The following PEX7 variants were observed in gnomAD, a reference collection of about 807,000 sequenced individuals.
PEX7 encodes the protein peroxisomal biogenesis factor 7, also known as PTS2 receptor.
PEX7 carries 34 observed loss-of-function variants against 47.5 expected under a neutral mutation model. The observed-to-expected ratio is 0.72, with a 90% confidence interval of 0.54 to 0.95. The LOEUF is 0.95. Ranked by LOEUF, PEX7 falls within the 40% of genes least tolerant of loss-of-function variation. The probability of loss-of-function intolerance (pLI) is 0.00; values close to 1 mark genes in which losing one functional copy is unlikely to be tolerated. For synonymous variants in PEX7, 141 were observed against 148.8 expected, an observed-to-expected ratio of 0.95 and a Z score of 0.38; for missense variants, 394 against 400.3, an observed-to-expected ratio of 0.98 and a Z score of 0.13.
intron 3 of PEX7, among the ~76,000 whole-genome samples, chr6:136,835,308 A>C (rs1774366295): frequency 7.2e-6 from 1 of 139,826 alleles, no homozygotes; most frequent in South Asian, 2.3e-4. Flanking sequence ...TTTTTTTTTG[A>C]GACAAAGTCT....
intron 8 of PEX7, among the ~76,000 whole-genome samples, chr6:136,894,538 C>T (rs1027615834): frequency 8.0e-4 from 121 of 152,116 alleles, no homozygotes; most frequent in African/African-American, 2.8e-3. Flanking sequence ...TGCAGTGAGC[C>T]GAGATCGCGC....
At chr6:136,866,840 T>C in intron 6 of PEX7, 107 bp downstream of exon 6, 1 of 916,534 alleles carries the variant, frequency 1.1e-6, no homozygotes, top group Non-Finnish European at 1.7e-6. Flanking sequence ...CCTGGACCAT[T>C]AAGTTAAATT....
At position 136,900,671 on chromosome 6, in the gene PEX7, C is replaced by A; in HGVS notation, c.903+2430C>A. The A allele has an allele frequency of 3.0e-6, 1 of 335,992 alleles. No individual in the cohort carries two copies. The highest frequency in any genetic ancestry group is 5.7e-6 in the Non-Finnish European group (1 of 174,202). 20.8% of individuals were successfully genotyped at this position (335,992 alleles called of 1,614,324 possible). On this transcript the variant is annotated intron_variant, in intron 9 of 9. Transcript: ENST00000318471. The surrounding 1 kb of genome is among the most constrained non-coding windows in gnomAD (Gnocchi z 4.2). ...TGAGACAGGGCAGGCAGGAAGACAA[C>A]CAGCTTGATGGGATCCACGTCATGT...
At chr6:136,863,634 G>A (rs1775005506) in intron 5 of PEX7, among the ~76,000 whole-genome samples, 1 of 152,144 alleles carries the variant, frequency 6.6e-6, no homozygotes, top group Non-Finnish European at 1.5e-5. Flanking sequence ...AGGGCTGGAT[G>A]CAGTGGCTCA....
At position 136,898,173 on chromosome 6, in the gene PEX7, C is replaced by G; in HGVS notation, c.835C>G (p.Leu279Val). ...FWNFSKPDSLLETVEHHTEFT... is the reference protein window; with the variant it reads ...FWNFSKPDSLVETVEHHTEFT... ...GAACTTTTCAAAGCCTGACTCTCTTCTTGAAACAGTGGAGCATCATACAGA... is the reference window on the plus strand; with the variant it reads ...GAACTTTTCAAAGCCTGACTCTCTTGTTGAAACAGTGGAGCATCATACAGA... The change falls in exon 9 of 10, where the codon CTT becomes GTT. Residue 279 changes from leucine (L) to valine (V), a missense_variant. Coordinates refer to ENST00000318471, the MANE Select transcript of PEX7 (RefSeq NM_000288.4). 1 of 1,612,162 alleles carries G rather than the reference C, an allele frequency of 6.2e-7. No individual in the cohort carries two copies. Among genetic ancestry groups the G allele is most frequent in the East Asian group, 2.2e-5 (1 of 44,860 alleles).
At chr6:136,825,454 A>G (rs957964069) in intron 2 of PEX7, among the ~76,000 whole-genome samples, 183 bp downstream of exon 2, 1 of 152,148 alleles carries the variant, frequency 6.6e-6, no homozygotes, top group African/African-American at 2.4e-5. Flanking sequence ...GCTATTCCCA[A>G]GTCTGAGGCA....
intron 5 of PEX7, among the ~76,000 whole-genome samples, chr6:136,865,790 A>AT (rs746856373): frequency 6.6e-6 from 1 of 152,146 alleles, no homozygotes; most frequent in Non-Finnish European, 1.5e-5. Flanking sequence ...AAAAATATCA[A>AT]AATAAATAAA....
intron 9 of PEX7, among the ~76,000 whole-genome samples, chr6:136,908,600 G>A (rs1435225735): frequency 6.6e-6 from 1 of 152,030 alleles, no homozygotes; most frequent in Non-Finnish European, 1.5e-5. Flanking sequence ...ATCCTTGGGC[G>A]GAAGCAGTAG....
chr6:136,840,174 C>T (rs1430698717), intron 3 of PEX7, among the ~76,000 whole-genome samples: 1 of 152,124 alleles, frequency 6.6e-6, no homozygotes, highest in Non-Finnish European at 1.5e-5. Flanking sequence ...ATATTTTATA[C>T]ATTATAAAAT....
intron 5 of PEX7, among the ~76,000 whole-genome samples, chr6:136,858,216 C>T (rs886176989): frequency 2.0e-5 from 3 of 152,174 alleles, no homozygotes; most frequent in African/African-American, 7.2e-5. Flanking sequence ...CAGGTCACTT[C>T]CCTGAAGAAA....
At chr6:136,852,560 A>G (rs559667847) in intron 5 of PEX7, among the ~76,000 whole-genome samples, 479 of 19,716 alleles carry the variant, frequency 0.024, 12 homozygotes, top group African/African-American at 0.11. Flanking sequence ...CCCATTCACA[A>G]TTGCTTCAAA....
intron 9 of PEX7, among the ~76,000 whole-genome samples, chr6:136,904,651 A>C (rs1354024052): frequency 1.9e-5 from 2 of 107,934 alleles, no homozygotes; most frequent in East Asian, 2.6e-4. Flanking sequence ...TTTTTTTTTT[A>C]CTGCTGCCAT....
chr6:136,864,737 A>G (rs529505916), intron 5 of PEX7, among the ~76,000 whole-genome samples: 53 of 152,328 alleles, frequency 3.5e-4, no homozygotes, highest in African/African-American at 1.2e-3. Context: ...GGCAGTTTCT[A>G]GTATGTGTTA....
rs779353296 is a variant in PEX7 at position 136,822,782 on chromosome 6, C to G, written c.117C>G (p.His39Gln). 66 of 1,357,744 alleles carry G rather than the reference C, an allele frequency of 4.9e-5. No individual in the cohort carries two copies. The South Asian group carries it at 7.0e-4, about 14-fold the overall frequency. 84.1% of individuals were successfully genotyped at this position (1,357,744 alleles called of 1,614,324 possible). ...GCCTGGCCTGCGCCACCGCGCAGCACTACGGCATCGCGGGTGAGGCGGCGC... is the reference window on the plus strand; with the variant it reads ...GCCTGGCCTGCGCCACCGCGCAGCAGTACGGCATCGCGGGTGAGGCGGCGC... ...PGRLACATAQ[H>Q]YGIAGCGTLL... Residue 39 changes from histidine (H) to glutamine (Q), a missense_variant, in exon 1 of 10, where the codon CAC becomes CAG. By Grantham distance (24) the His-to-Gln change is conservative. Coordinates refer to ENST00000318471, the MANE Select transcript of PEX7 (RefSeq NM_000288.4).
At chr6:136,899,750 A>G (rs1294586034) in intron 9 of PEX7, among the ~76,000 whole-genome samples, 1 of 152,246 alleles carries the variant, frequency 6.6e-6, no homozygotes, top group Non-Finnish European at 1.5e-5. Context: ...GAATGTTCCC[A>G]TTAACATTAG....
chr6:136,840,157 C>G (rs916526157), intron 3 of PEX7, among the ~76,000 whole-genome samples: 2 of 152,078 alleles, frequency 1.3e-5, no homozygotes, highest in African/African-American at 2.4e-5. Flanking sequence ...TTTTAAAAAT[C>G]AATGAAATAT....
At chr6:136,862,045 ATATATATATATAT>A (rs1562742038) in intron 5 of PEX7, among the ~76,000 whole-genome samples, 1 of 130,210 alleles carries the variant, frequency 7.7e-6, no homozygotes, top group Non-Finnish European at 1.6e-5. Flanking sequence ...TATATATATT[ATATATATATATAT>A]TATATATATA....
intron 8 of PEX7, among the ~76,000 whole-genome samples, chr6:136,875,910 G>A (rs757679254): frequency 1.3e-5 from 2 of 152,110 alleles, no homozygotes; most frequent in Non-Finnish European, 2.9e-5. Flanking sequence ...CACAGTTAAT[G>A]CTTTTTGTTT....
At chr6:136,849,822 A>G (rs1774706700) in intron 5 of PEX7, among the ~76,000 whole-genome samples, 1 of 152,160 alleles carries the variant, frequency 6.6e-6, no homozygotes, top group Admixed American at 6.5e-5. Flanking sequence ...AGAAGAATGT[A>G]TATTCAGTTG....
Sources: allele counts gnomAD v4.1 joint callset (sites outside exome capture counted in the v4.1 genomes callset), GRCh38; gene constraint gnomAD v4.1.1; non-coding constraint Gnocchi (gnomAD v3.1); transcripts MANE v1.5; gene names NCBI Gene and HGNC (gene_info 2026-07-23, HGNC 2026-07-21).